RBFOX1: variants seen among roughly 807,000 people sequenced by gnomAD.
RBFOX1 encodes RNA binding protein fox-1 homolog 1.
Under a neutral mutation model 57.7 loss-of-function variants are expected in RBFOX1, and 8 were observed. The observed-to-expected ratio is 0.14, with a 90% CI of 0.08 to 0.25. The LOEUF (loss-of-function observed/expected upper bound fraction) is 0.25. Ranked by LOEUF, RBFOX1 falls within the 10% of genes least tolerant of loss-of-function variation. RBFOX1 has a pLI of 1.00. For synonymous variants in RBFOX1, 326 were observed against 222.4 expected (o/e 1.47, Z -4.15); for missense variants, 611 against 548.5 (o/e 1.11, Z -1.14).
rs185202697 is a variant in RBFOX1 at position 7,173,248 on chromosome 16, C to T, written c.27+121150C>T. Among the ~76,000 whole-genome samples, 233 of 152,200 alleles carry T rather than the reference C, an allele frequency of 1.5e-3. 1 individual carries two copies. The highest frequency in any genetic ancestry group is 5.1e-3 in the African/African-American group (213 of 41,540). On this transcript the variant is annotated intron_variant, in intron 4 of 15. Coordinates refer to ENST00000550418, the MANE Select transcript of RBFOX1 (RefSeq NM_018723.4). ...CTCCTCCCCCTTTTATTTCAAATTA[C>T]GCCACTGACTACGAAAACCTGGTCA... is the stretch of plus-strand genomic sequence containing the variant.
chr16:6,383,100 A>C (rs936398321), intron 2 of RBFOX1, among the ~76,000 whole-genome samples: 2 of 152,334 alleles, frequency 1.3e-5, no homozygotes, highest in Admixed American at 6.5e-5. Flanking sequence ...ATGTGCTAGC[A>C]AATTCTCATG....
intron 4 of RBFOX1, among the ~76,000 whole-genome samples, chr16:6,013,680 A>G (rs1408060226): frequency 6.6e-6 from 1 of 152,192 alleles, no homozygotes; most frequent in Non-Finnish European, 1.5e-5. Context: ...TGGTTTGCTC[A>G]TCTATTTAAA....
chr16:5,326,003 C>G (rs964297685), intron 1 of RBFOX1, among the ~76,000 whole-genome samples: 1 of 152,174 alleles, frequency 6.6e-6, no homozygotes, highest in Non-Finnish European at 1.5e-5. Flanking sequence ...CTTTAAACAG[C>G]TTGGCATTAT....
chr16:6,432,069 C>G (rs1042109054), intron 2 of RBFOX1, among the ~76,000 whole-genome samples: 7 of 151,960 alleles, frequency 4.6e-5, no homozygotes, highest in African/African-American at 1.7e-4. Flanking sequence ...TCAACGGAAC[C>G]TCCTGCCACA....
At chr16:5,399,160 C>G (rs994411445) in intron 1 of RBFOX1, among the ~76,000 whole-genome samples, 17 of 152,148 alleles carry the variant, frequency 1.1e-4, no homozygotes, top group African/African-American at 4.1e-4. Flanking sequence ...CCTCAGTTTC[C>G]TTATCTGTAA....
chr16:6,955,491 A>T (rs1451235138), intron 3 of RBFOX1, among the ~76,000 whole-genome samples: 2 of 152,076 alleles, frequency 1.3e-5, no homozygotes, highest in East Asian at 1.9e-4. Context: ...CAGGCAAGAT[A>T]TGAATCTCAC....
intron 2 of RBFOX1, among the ~76,000 whole-genome samples, chr16:5,481,805 G>T (rs894090646): frequency 5.3e-5 from 8 of 152,174 alleles, no homozygotes; most frequent in African/African-American, 1.9e-4. Flanking sequence ...TCTCTCTGTG[G>T]CTTGTAGATG....
chr16:6,615,433 G>C (rs1332735169), intron 2 of RBFOX1, among the ~76,000 whole-genome samples: 1 of 152,116 alleles, frequency 6.6e-6, no homozygotes, highest in Non-Finnish European at 1.5e-5. Context: ...AGCTGGGTGT[G>C]CTGGTGGGTG....
intron 1 of RBFOX1, among the ~76,000 whole-genome samples, chr16:5,392,881 T>G (rs1360806594): frequency 1.3e-5 from 2 of 152,174 alleles, no homozygotes; most frequent in African/African-American, 4.8e-5. Flanking sequence ...CTGTTCAGAA[T>G]CTTTACATCC....
chr16:6,393,844 G>A (rs537989333), intron 2 of RBFOX1, among the ~76,000 whole-genome samples: 42 of 152,220 alleles, frequency 2.8e-4, no homozygotes, highest in African/African-American at 9.6e-4. Context: ...AGCAAAAGCG[G>A]GATCATTGTA....
chr16:7,593,613 A>T (rs1403734276), intron 7 of RBFOX1, among the ~76,000 whole-genome samples: 1 of 152,182 alleles, frequency 6.6e-6, no homozygotes, highest in African/African-American at 2.4e-5. Flanking sequence ...TTCTCGATAC[A>T]GTTCACCCTT....
intron 2 of RBFOX1, among the ~76,000 whole-genome samples, chr16:6,451,042 A>C (rs983574449): frequency 2.7e-5 from 4 of 150,190 alleles, no homozygotes; most frequent in African/African-American, 9.8e-5. Context: ...CCATTCTCCA[A>C]CCACACCTCC....
chr16:7,197,440 G>GAAA (rs57893229), intron 4 of RBFOX1, among the ~76,000 whole-genome samples: 1,167 of 91,198 alleles, frequency 0.013, 25 homozygotes, highest in African/African-American at 0.044. Flanking sequence ...CCTGTGAGTG[G>GAAA]AAAAAAAAAA....
chr16:6,742,417 G>T (rs1464717420), intron 3 of RBFOX1, among the ~76,000 whole-genome samples: 1 of 152,136 alleles, frequency 6.6e-6, no homozygotes, highest in Admixed American at 6.5e-5. Context: ...CTGGCAAATT[G>T]TTTGTAGTTT....
At chr16:7,621,886 C>A (rs2059371296) in intron 10 of RBFOX1, among the ~76,000 whole-genome samples, 1 of 152,134 alleles carries the variant, frequency 6.6e-6, no homozygotes, top group African/African-American at 2.4e-5. Context: ...AATTACTCAG[C>A]CCTGTCATTT....
At chr16:5,415,921 A>G (rs565778489) in intron 1 of RBFOX1, among the ~76,000 whole-genome samples, 28 of 152,326 alleles carry the variant, frequency 1.8e-4, no homozygotes, top group African/African-American at 6.5e-4. Flanking sequence ...GCACTCAGAA[A>G]TGCCAAATGT....
chr16:5,367,528 A>C (rs1467835746), intron 1 of RBFOX1, among the ~76,000 whole-genome samples: 1 of 152,192 alleles, frequency 6.6e-6, no homozygotes, highest in South Asian at 2.1e-4. Context: ...GAGTGGCACC[A>C]TTACTGTCTT....
At chr16:6,740,994 G>T (rs571306583) in intron 3 of RBFOX1, among the ~76,000 whole-genome samples, 2 of 152,230 alleles carry the variant, frequency 1.3e-5, no homozygotes, top group South Asian at 4.1e-4. Context: ...AGTCATCATC[G>T]CTATGTGGTA....
chr16:6,865,529 G>A (rs1207874670), intron 3 of RBFOX1, among the ~76,000 whole-genome samples: 3 of 152,010 alleles, frequency 2.0e-5, no homozygotes, highest in African/African-American at 7.2e-5. Context: ...TTGCTACTAT[G>A]CTGCAGGAAT....
Sources: gnomAD v4.1 joint callset for allele counts (sites outside exome capture counted in the v4.1 genomes callset) on GRCh38, gnomAD v4.1.1 for gene constraint, MANE v1.5 for transcripts, NCBI Gene and HGNC (gene_info 2026-07-23, HGNC 2026-07-21) for gene names.